TMEM71: variants seen among roughly 807,000 people sequenced by gnomAD.
TMEM71 encodes transmembrane protein 71.
A neutral mutation model predicts 38.0 loss-of-function variants in TMEM71; 44 were observed. The ratio of observed to expected loss-of-function variants is 1.16; its 90% CI spans 0.91 to 1.49. TMEM71 has a LOEUF of 1.49. Ranked by LOEUF, TMEM71 falls within the 40% of genes most tolerant of loss-of-function variation. TMEM71 has a pLI of 0.00. For missense variants in TMEM71, 367 were observed against 348.6 expected (o/e 1.05, Z -0.42); for synonymous variants, 133 against 122.5 (o/e 1.09, Z -0.56).
At chr8:132,734,568 G>A (rs1307813515) in intron 5 of TMEM71, among the ~76,000 whole-genome samples, 1 of 152,120 alleles carries the variant, frequency 6.6e-6, no homozygotes, top group East Asian at 1.9e-4. Context: ...TAAAAAATAT[G>A]TAGAATACTG....
chr8:132,743,109 T>A (rs766187128), intron 5 of TMEM71, among the ~76,000 whole-genome samples: 8 of 152,036 alleles, frequency 5.3e-5, no homozygotes, highest in Non-Finnish European at 7.4e-5. Flanking sequence ...AAGATGAGAT[T>A]TGGGTGGGGA....
intron 5 of TMEM71, among the ~76,000 whole-genome samples, chr8:132,739,816 A>G (rs1259055664): frequency 6.6e-6 from 1 of 152,162 alleles, no homozygotes; most frequent in Non-Finnish European, 1.5e-5. Flanking sequence ...AGCACCCTTG[A>G]CTTCTCTTTT....
chr8:132,775,293 G>A, the TMEM71 span: 1 of 334,752 alleles, frequency 3.0e-6, no homozygotes, highest in Non-Finnish European at 5.4e-6. Context: ...TCGGCTGCGC[G>A]GCCCGGGCCC....
chr8:132,759,662 G>A (rs900043536), intron 1 of TMEM71, among the ~76,000 whole-genome samples: 12 of 152,050 alleles, frequency 7.9e-5, no homozygotes, highest in African/African-American at 1.7e-4. Context: ...TATCCTAATC[G>A]CTTTATAAGG....
At chr8:132,713,539 A>G (rs955236881) in intron 9 of TMEM71, among the ~76,000 whole-genome samples, 41 of 152,170 alleles carry the variant, frequency 2.7e-4, no homozygotes, top group Non-Finnish European at 4.9e-4. Context: ...ACCAGACCCC[A>G]GTAACCCTTT....
chr8:132,717,678 C>T lies in TMEM71; in HGVS notation c.753-3463G>A, dbSNP rs562390556. On this transcript the variant is annotated intron_variant, in intron 7 of 9. Transcript: ENST00000677595. ...AAGATGGTGCAGTCCTATTGGAAAACGTTTCAGCAGTTTCTAAAAATATTA... is the reference window on the plus strand; with the variant it reads ...AAGATGGTGCAGTCCTATTGGAAAATGTTTCAGCAGTTTCTAAAAATATTA... 7.6e-4 allele frequency among the ~76,000 whole-genome samples: 116 copies of T among 152,222 alleles called. 2 individuals carry two copies. The highest frequency in any genetic ancestry group is 6.2e-4 in the South Asian group (3 of 4,826).
intron 3 of TMEM71, among the ~76,000 whole-genome samples, chr8:132,754,170 A>G (rs544656632): frequency 2.0e-5 from 3 of 152,310 alleles, no homozygotes; most frequent in Non-Finnish European, 2.9e-5. Flanking sequence ...CTCCCTCATT[A>G]TAGAATCCAT....
chr8:132,710,826 A>G lies in TMEM71; in HGVS notation c.*141T>C, dbSNP rs1463090277. The stretch of plus-strand genomic sequence containing the variant: ...AAAACTGAGATCATTTTAAAATCAC[A>G]TAGTCAAACTAAAATGGCTTTTTCT... On this transcript the variant is annotated 3_prime_UTR_variant, in exon 10 of 10. Transcript: ENST00000677595. 1.3e-6 allele frequency: 1 copy of G among 746,322 alleles called. No homozygotes were observed. The highest frequency in any genetic ancestry group is 2.3e-5 in the Admixed American group (1 of 43,738). 46.2% of individuals were successfully genotyped at this position (746,322 alleles called of 1,614,324 possible). A position where few individuals can be genotyped will look rare whatever the true frequency, so the allele number is the denominator to read the frequency against.
downstream of TMEM71, among the ~76,000 whole-genome samples, chr8:132,706,140 C>T (rs190293290): frequency 2.5e-4 from 38 of 152,168 alleles, no homozygotes; most frequent in Admixed American, 7.2e-4. Context: ...CAGCTGGCAC[C>T]TCAATCTTGA....
chr8:132,753,476 T>C (rs565080988), intron 3 of TMEM71, among the ~76,000 whole-genome samples: 110 of 152,292 alleles, frequency 7.2e-4, no homozygotes, highest in Non-Finnish European at 1.3e-3. Flanking sequence ...TCAGGAGTTT[T>C]GGCGGTCATG....
At chr8:132,749,126 T>C (rs1470440342) in intron 4 of TMEM71, among the ~76,000 whole-genome samples, 1 of 152,082 alleles carries the variant, frequency 6.6e-6, no homozygotes, top group Non-Finnish European at 1.5e-5. Context: ...AGAAAGAAAA[T>C]GGAGTAAGAC....
At chr8:132,749,164 G>A (rs1206164441) in intron 4 of TMEM71, among the ~76,000 whole-genome samples, 4 of 152,190 alleles carry the variant, frequency 2.6e-5, no homozygotes, top group Non-Finnish European at 5.9e-5. Context: ...CCTAACCAAT[G>A]TAAGAAAACC....
rs565785920 is a variant in TMEM71 at position 132,717,095 on chromosome 8, A to G, written c.753-2880T>C. Among the ~76,000 whole-genome samples the G allele has an allele frequency of 9.8e-5, 15 of 152,368 alleles. No homozygotes were observed. The South Asian group carries it at 3.1e-3, about 32-fold the overall frequency. On this transcript the variant is annotated intron_variant, in intron 7 of 9. Transcript: ENST00000677595. ...CATATACAAAGGTTAACTCAAAATG[A>G]ATTAAAAACCTAAATGTAAGAGCTA...
At chr8:132,721,803 T>G (rs1031813403) in intron 7 of TMEM71, among the ~76,000 whole-genome samples, 5 of 152,152 alleles carry the variant, frequency 3.3e-5, no homozygotes, top group African/African-American at 4.8e-5. Flanking sequence ...CCCAAAGTTC[T>G]CGGATTACAG....
At chr8:132,715,289 A>T (rs1026828475) in intron 7 of TMEM71, among the ~76,000 whole-genome samples, 8 of 151,482 alleles carry the variant, frequency 5.3e-5, no homozygotes, top group Non-Finnish European at 1.2e-4. Context: ...GGGCGCCTGT[A>T]GTCCCAGCTA....
At chr8:132,720,225 T>A (rs1007118277) in intron 7 of TMEM71, among the ~76,000 whole-genome samples, 1 of 152,188 alleles carries the variant, frequency 6.6e-6, no homozygotes, top group Non-Finnish European at 1.5e-5. Flanking sequence ...TCTTACCCCC[T>A]TCCTTACTCT....
At chr8:132,726,277 A>T (rs1199229666) in intron 6 of TMEM71, among the ~76,000 whole-genome samples, 1 of 151,374 alleles carries the variant, frequency 6.6e-6, no homozygotes, top group African/African-American at 2.4e-5. Flanking sequence ...AACAAAAAAA[A>T]CCCTTGAACA....
At chr8:132,758,998 A>G in intron 1 of TMEM71, 83 bp from the exon 2 acceptor site, 1 of 810,080 alleles carries the variant, frequency 1.2e-6, no homozygotes, top group South Asian at 1.4e-5. Context: ...TACTAATTGC[A>G]CTAGTCAGAT....
chr8:132,722,900 C>A (rs1826933192), intron 6 of TMEM71, among the ~76,000 whole-genome samples: 1 of 152,220 alleles, frequency 6.6e-6, no homozygotes, highest in East Asian at 1.9e-4. Context: ...ATTCTAATCA[C>A]CTTAAATAAA....
Sources: gnomAD v4.1 joint callset for allele counts (sites outside exome capture counted in the v4.1 genomes callset) on GRCh38, gnomAD v4.1.1 for gene constraint, MANE v1.5 for transcripts, NCBI Gene and HGNC (gene_info 2026-07-23, HGNC 2026-07-21) for gene names.